CHN2: variants seen among roughly 807,000 people sequenced by gnomAD.
CHN2 encodes the protein beta-chimaerin.
CHN2 carries 35 observed loss-of-function variants against 56.3 expected under a neutral mutation model. That is an observed-to-expected ratio of 0.62 (90% CI 0.47 to 0.82). The LOEUF is 0.82. Ranked by LOEUF, CHN2 falls within the 40% of genes least tolerant of loss-of-function variation. CHN2 has a pLI of 0.00. For synonymous variants in CHN2, 210 were observed against 212.8 expected, an observed-to-expected ratio of 0.99 and a Z score of 0.12; for missense variants, 491 against 580.5, an observed-to-expected ratio of 0.85 and a Z score of 1.58.
intron 1 of CHN2, among the ~76,000 whole-genome samples, chr7:29,238,010 ATT>A (rs1787332506): frequency 9.0e-6 from 1 of 111,382 alleles, no homozygotes; most frequent in Non-Finnish European, 1.9e-5. Flanking sequence ...TTTAATATGT[ATT>A]CTCTTTTTTT....
intron 5 of CHN2, chr7:29,400,312 G>A: frequency 1.8e-6 from 1 of 565,340 alleles, no homozygotes. Context: ...ATAAACTCAA[G>A]CAGGAACCGC....
chr7:29,423,674 T>C (rs1804563929), intron 6 of CHN2, among the ~76,000 whole-genome samples: 1 of 152,198 alleles, frequency 6.6e-6, no homozygotes, highest in Non-Finnish European at 1.5e-5. Flanking sequence ...ATCTCAAGCT[T>C]CCATTCTGCC....
intron 9 of CHN2, among the ~76,000 whole-genome samples, chr7:29,501,687 G>C (rs919234929): frequency 6.6e-6 from 1 of 152,156 alleles, no homozygotes; most frequent in Non-Finnish European, 1.5e-5. Context: ...AGGGGCCTAA[G>C]CATGCAAGCA....
At chr7:29,286,781 G>A (rs768733903) in intron 1 of CHN2, among the ~76,000 whole-genome samples, 13 of 152,100 alleles carry the variant, frequency 8.5e-5, no homozygotes, top group South Asian at 8.3e-4. Flanking sequence ...GATAGTCTGC[G>A]ATTATAAATA....
intron 6 of CHN2, among the ~76,000 whole-genome samples, chr7:29,438,262 A>G (rs1783386841): frequency 6.6e-6 from 1 of 152,262 alleles, no homozygotes; most frequent in South Asian, 2.1e-4. Flanking sequence ...CTATTGAAAT[A>G]AACACTATGC....
intron 6 of CHN2, among the ~76,000 whole-genome samples, chr7:29,437,317 G>A (rs1184746853): frequency 1.2e-5 from 1 of 86,520 alleles, no homozygotes; most frequent in Admixed American, 1.0e-4. Flanking sequence ...ATCTAAAACC[G>A]GCTGGGCGCG....
Position 29,379,749 on chromosome 7 carries a change from C to T in CHN2, c.144+11762C>T, listed in dbSNP as rs369091306. Among the ~76,000 whole-genome samples the T allele has an allele frequency of 4.6e-5, 7 of 152,238 alleles. No homozygotes were observed. In the South Asian group the frequency reaches 1.4e-3, roughly 32 times the overall value. ...CAAAGACATTCTCTTGGGTGCACAG[C>T]CCTGACAGGTGGGAGGATGACTTGG... On this transcript the variant is annotated intron_variant, in intron 3 of 12. Coordinates refer to ENST00000222792, the MANE Select transcript of CHN2 (RefSeq NM_004067.4).
intron 3 of CHN2, among the ~76,000 whole-genome samples, chr7:29,369,559 T>C (rs1233655340): frequency 1.3e-5 from 2 of 152,206 alleles, no homozygotes; most frequent in African/African-American, 4.8e-5. Flanking sequence ...TTTAAGATTT[T>C]GTCCCTGTAT....
chr7:29,397,389 T>C (rs1419677808), intron 4 of CHN2: 1 of 152,230 alleles, frequency 6.6e-6, no homozygotes, highest in Non-Finnish European at 1.5e-5. Flanking sequence ...AAAGTAAAGG[T>C]GTTTTTCTCT....
At chr7:29,215,015 C>A (rs1376714455) in intron 1 of CHN2, among the ~76,000 whole-genome samples, 3 of 152,146 alleles carry the variant, frequency 2.0e-5, no homozygotes. Context: ...CTAGCAGAGA[C>A]ACTGCCACAC....
chr7:29,401,368 T>TGG (rs1336034402), intron 6 of CHN2: 1 of 152,424 alleles, frequency 6.6e-6, no homozygotes, highest in Non-Finnish European at 1.5e-5. Flanking sequence ...ACCCAGGACT[T>TGG]CTACCAAGTC....
At chr7:29,258,267 G>A (rs1789239907) in intron 1 of CHN2, among the ~76,000 whole-genome samples, 1 of 152,078 alleles carries the variant, frequency 6.6e-6, no homozygotes, top group Non-Finnish European at 1.5e-5. Flanking sequence ...CAGGACATCT[G>A]GATACCCTTT....
At chr7:29,213,558 A>G (rs556421992) in intron 1 of CHN2, among the ~76,000 whole-genome samples, 50 of 152,346 alleles carry the variant, frequency 3.3e-4, no homozygotes, top group Non-Finnish European at 6.3e-4. Flanking sequence ...AATAAGAAAT[A>G]CAAGTACAAA....
At chr7:29,406,266 G>A (rs909356903) in intron 6 of CHN2, among the ~76,000 whole-genome samples, 2 of 152,182 alleles carry the variant, frequency 1.3e-5, no homozygotes, top group African/African-American at 4.8e-5. Flanking sequence ...GGAGAAGCTG[G>A]GCAGGTAAAT....
intron 3 of CHN2, among the ~76,000 whole-genome samples, chr7:29,381,398 A>G (rs1272082024): frequency 3.9e-5 from 6 of 152,200 alleles, no homozygotes; most frequent in African/African-American, 1.4e-4. Context: ...AGGAGGGCCT[A>G]AGGCAGATTT....
At chr7:29,319,358 G>A (rs1795178571) in intron 1 of CHN2, among the ~76,000 whole-genome samples, 4 of 152,156 alleles carry the variant, frequency 2.6e-5, no homozygotes, top group Admixed American at 2.6e-4. Flanking sequence ...TCTACATGTT[G>A]AGGGGAGGAG....
chr7:29,214,007 T>G (rs1359018570), intron 1 of CHN2, among the ~76,000 whole-genome samples: 4 of 152,200 alleles, frequency 2.6e-5, no homozygotes. Flanking sequence ...GAAACACAAG[T>G]GACCTTAATG....
chr7:29,199,001 A>G (rs1245893582), intron 1 of CHN2, among the ~76,000 whole-genome samples: 1 of 152,248 alleles, frequency 6.6e-6, no homozygotes, highest in Non-Finnish European at 1.5e-5. Context: ...ACAGAAAAAG[A>G]TAACAAGTCA....
rs914290638 is a variant in CHN2 at position 29,147,058 on chromosome 7, C to A, written c.274+98C>A. 1.4e-4 allele frequency: 211 copies of A among 1,490,090 alleles called. 1 individual carries two copies. Among genetic ancestry groups the A allele is most frequent in the Non-Finnish European group, 1.8e-4 (204 of 1,112,372 alleles). The allele number at this position is 1,490,090 out of a possible 1,614,324, so 92.3% of individuals were successfully genotyped here. On this transcript the variant is annotated intron_variant, in intron 2 of 6. Transcript: ENST00000439384. ...CTGATGTGTTCTGTACCATTATACCCATTTTGCAATTGGGGGACACAAACT... is the reference window on the plus strand; with the variant it reads ...CTGATGTGTTCTGTACCATTATACCAATTTTGCAATTGGGGGACACAAACT...
Sources: gnomAD v4.1 joint callset for allele counts (sites outside exome capture counted in the v4.1 genomes callset) on GRCh38, gnomAD v4.1.1 for gene constraint, MANE v1.5 for transcripts, NCBI Gene and HGNC (gene_info 2026-07-23, HGNC 2026-07-21) for gene names.